The following SLC24A2 variants were observed in gnomAD, a reference collection of about 807,000 sequenced individuals.
The protein encoded by SLC24A2 is solute carrier family 24 member 2, also known as sodium/potassium/calcium exchanger 2.
In SLC24A2, 36 loss-of-function variants were observed where a neutral mutation model predicts 62.0. The observed-to-expected ratio is 0.58, with a 90% confidence interval of 0.44 to 0.77. SLC24A2 has a LOEUF of 0.77. Ranked by LOEUF, SLC24A2 falls within the 30% of genes least tolerant of loss-of-function variation. SLC24A2 has a pLI of 0.00. For synonymous variants in SLC24A2, 358 were observed against 294.0 expected, an observed-to-expected ratio of 1.22 and a Z score of -2.23; for missense variants, 846 against 817.9, an observed-to-expected ratio of 1.03 and a Z score of -0.42.
At chr9:19,660,494 G>C (rs901236147) in intron 2 of SLC24A2, among the ~76,000 whole-genome samples, 11 of 152,134 alleles carry the variant, frequency 7.2e-5, no homozygotes, top group African/African-American at 2.7e-4. Context: ...AATATAGGAG[G>C]GAGGGCAAGA....
Position 19,770,621 on chromosome 9 carries a change from T to G in SLC24A2, c.930+15316A>C, listed in dbSNP as rs116282338. ...AAGGTCATCTGCTCCCACTTCCTGA[T>G]GGAGAAAATTGGAAACAGATAAATG... On this transcript the variant is annotated intron_variant, in intron 2 of 10. Coordinates refer to ENST00000341998, the MANE Select transcript of SLC24A2 (RefSeq NM_020344.4). 5.8e-3 allele frequency among the ~76,000 whole-genome samples: 881 copies of G among 152,294 alleles called. 10 individuals are homozygous for G. Among genetic ancestry groups the G allele is most frequent in the African/African-American group, 0.02 (820 of 41,572 alleles).
chr9:19,517,951 A>ACACT lies in SLC24A2; in HGVS notation c.1737-1550_1737-1549insAGTG, dbSNP rs1554666841. ...CACACACACACACACACACACACAC[A>ACACT]CACACACTCTCACACTTCTAGTGAA... On this transcript the variant is annotated intron_variant, in intron 10 of 10. Transcript: ENST00000341998. 6.1e-5 allele frequency among the ~76,000 whole-genome samples: 9 copies of ACACT among 147,184 alleles called. No individual in the cohort carries two copies. In the East Asian group the frequency reaches 1.2e-3, roughly 20 times the overall value.
chr9:19,664,957 G>A (rs777189335), intron 2 of SLC24A2, among the ~76,000 whole-genome samples: 8 of 152,124 alleles, frequency 5.3e-5, no homozygotes, highest in Non-Finnish European at 7.4e-5. Flanking sequence ...TAAACTGCCC[G>A]TTTGTGGTAG....
chr9:19,670,590 G>A (rs1819386513), intron 2 of SLC24A2, among the ~76,000 whole-genome samples: 1 of 152,108 alleles, frequency 6.6e-6, no homozygotes, highest in African/African-American at 2.4e-5. Context: ...ACAGATGGGG[G>A]AATTTAGATA....
At chr9:19,912,648 C>T in the SLC24A2 span, among the ~76,000 whole-genome samples, 1 of 152,118 alleles carries the variant, frequency 6.6e-6, no homozygotes, top group South Asian at 2.1e-4. Context: ...AATAAATCAT[C>T]TTAGTTTTCA....
the SLC24A2 span, among the ~76,000 whole-genome samples, chr9:20,090,747 G>A: frequency 2.5e-4 from 38 of 152,234 alleles, no homozygotes; most frequent in African/African-American, 7.2e-4. Context: ...CCCACATATA[G>A]AGATGAGAAA....
intron 2 of SLC24A2, among the ~76,000 whole-genome samples, chr9:19,682,507 C>G (rs983968139): frequency 4.6e-5 from 7 of 152,064 alleles, no homozygotes; most frequent in Non-Finnish European, 1.0e-4. Flanking sequence ...ACTTCAACAC[C>G]AAACCACAGA....
chr9:20,101,667 G>C, the SLC24A2 span, among the ~76,000 whole-genome samples: 1 of 152,102 alleles, frequency 6.6e-6, no homozygotes, highest in African/African-American at 2.4e-5. Context: ...ATGGAGACCT[G>C]ACCTTTCCCT....
the SLC24A2 span, among the ~76,000 whole-genome samples, chr9:20,069,201 CACTTTGCTGA>C: frequency 8.5e-5 from 13 of 152,196 alleles, no homozygotes; most frequent in Non-Finnish European, 2.9e-5. Context: ...CAACTCTACA[CACTTTGCTGA>C]ACTTAGTAAG....
At chr9:19,571,068 G>A (rs1443945374) in intron 7 of SLC24A2, among the ~76,000 whole-genome samples, 1 of 152,194 alleles carries the variant, frequency 6.6e-6, no homozygotes, top group African/African-American at 2.4e-5. Context: ...ATGTCCCTCT[G>A]TCAGCCAGAT....
the SLC24A2 span, among the ~76,000 whole-genome samples, chr9:20,033,252 G>C: frequency 9.9e-5 from 15 of 152,284 alleles, no homozygotes; most frequent in African/African-American, 3.6e-4. Flanking sequence ...ATTAGATTCA[G>C]ACAGACCTGG....
At chr9:20,064,550 A>T in the SLC24A2 span, among the ~76,000 whole-genome samples, 1 of 152,208 alleles carries the variant, frequency 6.6e-6, no homozygotes, top group East Asian at 1.9e-4. Context: ...TGAGGTTGTT[A>T]TTTACACAGG....
chr9:19,999,211 C>T, the SLC24A2 span, among the ~76,000 whole-genome samples: 118,010 of 151,700 alleles, frequency 0.78, 46,218 homozygotes, highest in Non-Finnish European at 0.83. Flanking sequence ...CCTTCGCCTC[C>T]CTGGCTGGAA....
chr9:19,830,058 G>A, the SLC24A2 span, among the ~76,000 whole-genome samples: 1 of 151,968 alleles, frequency 6.6e-6, no homozygotes, highest in African/African-American at 2.4e-5. Context: ...AGGGCAGATG[G>A]GTGATGAGGG....
chr9:19,890,169 A>G, the SLC24A2 span, among the ~76,000 whole-genome samples: 61,124 of 152,096 alleles, frequency 0.4, 12,857 homozygotes, highest in East Asian at 0.82. Flanking sequence ...TGTTTACTCA[A>G]TGCTGGCACC....
chr9:19,639,086 C>T (rs577385632), intron 2 of SLC24A2, among the ~76,000 whole-genome samples: 89 of 150,306 alleles, frequency 5.9e-4, no homozygotes, highest in African/African-American at 1.6e-3. Flanking sequence ...ATCAAATGAT[C>T]GCTATTCTGC....
At chr9:19,982,301 T>C in the SLC24A2 span, among the ~76,000 whole-genome samples, 1 of 152,140 alleles carries the variant, frequency 6.6e-6, no homozygotes, top group African/African-American at 2.4e-5. Context: ...TGTGCATGTT[T>C]GTTGGCGGAG....
At chr9:19,996,934 G>T in the SLC24A2 span, among the ~76,000 whole-genome samples, 2 of 151,784 alleles carry the variant, frequency 1.3e-5, no homozygotes, top group East Asian at 1.9e-4. Flanking sequence ...TTTAGAAAGC[G>T]CTCAGTGGTA....
chr9:19,605,880 C>G (rs1179374114), intron 4 of SLC24A2, among the ~76,000 whole-genome samples: 3 of 152,246 alleles, frequency 2.0e-5, no homozygotes, highest in Non-Finnish European at 1.5e-5. Context: ...CAGGGGCACA[C>G]AGCTAGTAAG....
Sources: gnomAD v4.1 joint callset for allele counts (sites outside exome capture counted in the v4.1 genomes callset) on GRCh38, gnomAD v4.1.1 for gene constraint, MANE v1.5 for transcripts, NCBI Gene and HGNC (gene_info 2026-07-23, HGNC 2026-07-21) for gene names.